SUSD1: variants seen among roughly 807,000 people sequenced by gnomAD.
SUSD1 encodes the protein sushi domain-containing protein 1.
A neutral mutation model predicts 86.9 loss-of-function variants in SUSD1; 65 were observed. That is an observed-to-expected ratio of 0.75 (90% CI 0.61 to 0.92). The LOEUF (loss-of-function observed/expected upper bound fraction) is 0.92. Ranked by LOEUF, SUSD1 falls within the 40% of genes least tolerant of loss-of-function variation. SUSD1 has a pLI of 0.00. For synonymous variants in SUSD1, 346 were observed against 350.0 expected (o/e 0.99, Z 0.13); for missense variants, 850 against 929.7 (o/e 0.91, Z 1.11).
rs78635015 is a variant in SUSD1 at position 112,075,014 on chromosome 9, A to C, written c.1753+3524T>G. Among the ~76,000 whole-genome samples the C allele has an allele frequency of 3.7e-4, 56 of 152,306 alleles. 1 individual carries two copies. The East Asian group carries it at 0.011, about 29-fold the overall frequency. ...CTACCAAACAAGGAGTAAGTGTCTCATCAAGATGAAACCCCCTCCCCTTTA... is the reference window on the plus strand; with the variant it reads ...CTACCAAACAAGGAGTAAGTGTCTCCTCAAGATGAAACCCCCTCCCCTTTA... On this transcript the variant is annotated intron_variant, in intron 12 of 16. Transcript: ENST00000374270.
chr9:112,089,087 A>G (rs1294364858), intron 10 of SUSD1, among the ~76,000 whole-genome samples: 1 of 152,222 alleles, frequency 6.6e-6, no homozygotes, highest in East Asian at 1.9e-4. Flanking sequence ...AGTCTGGGCA[A>G]CAGGGTGAGA....
chr9:112,146,519 GAC>G (rs1250721285), intron 3 of SUSD1, among the ~76,000 whole-genome samples: 12 of 151,984 alleles, frequency 7.9e-5, no homozygotes, highest in Admixed American at 6.6e-4. Context: ...TAGTTCGGCT[GAC>G]ACCTATTTGG....
intron 12 of SUSD1, among the ~76,000 whole-genome samples, chr9:112,073,724 C>T (rs7875848): frequency 0.024 from 3,592 of 152,046 alleles, 143 homozygotes; most frequent in African/African-American, 0.082. Context: ...CTCATCTCTA[C>T]TAAAAATATA....
intron 10 of SUSD1, among the ~76,000 whole-genome samples, chr9:112,091,326 T>C (rs1012447131): frequency 2.0e-5 from 3 of 152,214 alleles, no homozygotes; most frequent in African/African-American, 7.2e-5. Context: ...TTTAATTCTG[T>C]GAACAGGAAT....
chr9:112,086,141 AC>A (rs1829964754), intron 10 of SUSD1, among the ~76,000 whole-genome samples: 1 of 148,084 alleles, frequency 6.8e-6, no homozygotes, highest in Admixed American at 6.6e-5. Context: ...CGCCCCTCTC[AC>A]CACCATCTCT....
intron 2 of SUSD1, among the ~76,000 whole-genome samples, chr9:112,151,127 T>C (rs73538211): frequency 0.057 from 8,654 of 152,212 alleles, 662 homozygotes; most frequent in African/African-American, 0.16. Context: ...TTTCTAATTG[T>C]AGAGATCAGC....
chr9:112,073,807 C>T (rs1265430547), intron 12 of SUSD1, among the ~76,000 whole-genome samples: 3 of 151,984 alleles, frequency 2.0e-5, no homozygotes, highest in Admixed American at 2.0e-4. Flanking sequence ...GCATGAGAAT[C>T]GCTTGAACCT....
intron 3 of SUSD1, among the ~76,000 whole-genome samples, chr9:112,148,402 C>G (rs993822944): frequency 6.6e-6 from 1 of 152,210 alleles, no homozygotes; most frequent in Non-Finnish European, 1.5e-5. Context: ...AAAACTCGCA[C>G]TCCTCACTCA....
At chr9:112,072,140 C>CTTTT in intron 12 of SUSD1, among the ~76,000 whole-genome samples, 330 of 121,142 alleles carry the variant, frequency 2.7e-3, no homozygotes, top group African/African-American at 3.0e-3. Context: ...CTTTCTTTCT[C>CTTTT]TTTTTTTTTT....
intron 8 of SUSD1, among the ~76,000 whole-genome samples, chr9:112,104,491 A>AG (rs1830755701): frequency 6.6e-6 from 1 of 152,288 alleles, no homozygotes; most frequent in Admixed American, 6.5e-5. Context: ...CAGGACCTGA[A>AG]GGTACCATCT....
intron 1 of SUSD1, among the ~76,000 whole-genome samples, chr9:112,173,079 A>G (rs1201071284): frequency 6.6e-6 from 1 of 152,146 alleles, no homozygotes; most frequent in East Asian, 1.9e-4. Context: ...ATCATACTGG[A>G]CAGTTTCCTA....
At chr9:112,130,766 G>A (rs1266256587) in intron 5 of SUSD1, among the ~76,000 whole-genome samples, 7 of 150,718 alleles carry the variant, frequency 4.6e-5, no homozygotes, top group African/African-American at 1.7e-4. Flanking sequence ...GCTTACGCCT[G>A]TAATCCCAGC....
At chr9:112,109,891 C>T (rs752430788) in intron 8 of SUSD1, among the ~76,000 whole-genome samples, 1 of 152,130 alleles carries the variant, frequency 6.6e-6, no homozygotes, top group Non-Finnish European at 1.5e-5. Flanking sequence ...ATACAAATGT[C>T]AAGAGACCTA....
intron 15 of SUSD1, among the ~76,000 whole-genome samples, chr9:112,051,212 T>C (rs191116706): frequency 2.2e-4 from 33 of 152,320 alleles, no homozygotes; most frequent in African/African-American, 7.7e-4. Flanking sequence ...AAATTTGCCA[T>C]TTAGTCATAG....
At position 112,058,657 on chromosome 9, in the gene SUSD1, G is replaced by T; in HGVS notation, c.1880C>A (p.Ala627Asp). 6.2e-7 allele frequency: 1 copy of T among 1,614,162 alleles called. No individual in the cohort carries two copies. Among genetic ancestry groups the T allele is most frequent in the Non-Finnish European group, 8.5e-7 (1 of 1,180,026 alleles). Residue 627 changes from alanine (A) to aspartate (D), a missense_variant, in exon 14 of 17, where the codon GCC becomes GAC. Coordinates refer to ENST00000374270, the MANE Select transcript of SUSD1 (RefSeq NM_022486.5). ...ATCACAAGAAAATGTGCTTTGGAGG[G>T]CCAGGGGAAGCACTAACACCTGATA... ...SSYQVLVLPL[A>D]LQSTFSCDSE... is the part of the protein sequence containing the mutation.
chr9:112,109,987 G>A lies in SUSD1; in HGVS notation c.1171+1667C>T, dbSNP rs549435419. Among the ~76,000 whole-genome samples the A allele has an allele frequency of 7.2e-5, 11 of 152,144 alleles. No homozygotes were observed. The South Asian group carries it at 2.1e-3, about 29-fold the overall frequency. ...TCTGCTGAACTATTCCCAGCTACTC[G>A]GGTTAAGGTACAGTTTCAGTGGGAT... On this transcript the variant is annotated intron_variant, in intron 8 of 16. Transcript: ENST00000374270.
chr9:112,065,763 T>C (rs1206917030), intron 12 of SUSD1, among the ~76,000 whole-genome samples: 4 of 152,220 alleles, frequency 2.6e-5, no homozygotes, highest in Non-Finnish European at 4.4e-5. Flanking sequence ...ATCTGTTAAA[T>C]AGGGGTAGAA....
At chr9:112,127,327 T>G (rs1334382518) in intron 5 of SUSD1, among the ~76,000 whole-genome samples, 2 of 152,140 alleles carry the variant, frequency 1.3e-5, no homozygotes, top group Non-Finnish European at 2.9e-5. Context: ...GAGCTGAGAT[T>G]GTGCTACTGC....
intron 12 of SUSD1, among the ~76,000 whole-genome samples, chr9:112,064,251 C>A (rs1054078025): frequency 6.6e-6 from 1 of 152,160 alleles, no homozygotes; most frequent in African/African-American, 2.4e-5. Context: ...AGGAGGTGAG[C>A]AGCAGGTGGA....
Sources: gnomAD v4.1 joint callset for allele counts (sites outside exome capture counted in the v4.1 genomes callset) on GRCh38, gnomAD v4.1.1 for gene constraint, MANE v1.5 for transcripts, NCBI Gene and HGNC (gene_info 2026-07-23, HGNC 2026-07-21) for gene names.